The following FOXP2 variants were observed in gnomAD, a reference collection of about 807,000 sequenced individuals.
The protein encoded by FOXP2 is forkhead box protein P2.
FOXP2 carries 12 observed loss-of-function variants against 115.8 expected under a neutral mutation model. That is an observed-to-expected ratio of 0.10 (90% CI 0.07 to 0.17). FOXP2 has a LOEUF of 0.17. Ranked by LOEUF, FOXP2 falls within the 10% of genes least tolerant of loss-of-function variation. The pLI, the probability that FOXP2 is intolerant of heterozygous loss-of-function variation, is 1.00. For synonymous variants in FOXP2, 328 were observed against 297.7 expected (o/e 1.10, Z -1.05); for missense variants, 629 against 843.5 (o/e 0.75, Z 3.15).
Position 114,190,327 on chromosome 7 carries a change from C to A in FOXP2, c.-102+27239C>A, listed in dbSNP as rs1041296147. On this transcript the variant is annotated intron_variant, in intron 1 of 17. Transcript: ENST00000634411. ...TTCACCGTGGAGGGTGGGCACCATC[C>A]GATTAACTGAGGGCCTGAATAGAAC... Among the ~76,000 whole-genome samples, 3 of 152,070 alleles carry A rather than the reference C, an allele frequency of 2.0e-5. No individual in the cohort carries two copies. In the South Asian group the frequency reaches 6.2e-4, roughly 32 times the overall value.
chr7:114,248,206 GAGAGAGAC>G (rs1222724437), intron 1 of FOXP2, among the ~76,000 whole-genome samples: 1 of 150,884 alleles, frequency 6.6e-6, no homozygotes. Context: ...GAGAGAGAGA[GAGAGAGAC>G]AGAGAGACAG....
At chr7:114,141,585 C>T (rs148533222) in intron 1 of FOXP2, among the ~76,000 whole-genome samples, 8 of 152,300 alleles carry the variant, frequency 5.3e-5, no homozygotes, top group African/African-American at 7.2e-5. Context: ...TCCCTTCCAC[C>T]CTCAGGGTGC....
At chr7:114,413,933 C>T (rs554825306), upstream of FOXP2, among the ~76,000 whole-genome samples, 95 of 152,166 alleles carry the variant, frequency 6.2e-4, no homozygotes, top group Middle Eastern at 3.4e-3. Context: ...TGTCCACTCA[C>T]GATGGTGTTC....
rs747470162 is a variant in FOXP2, at chr7:114,199,533, T to C, written c.-102+36445T>C. Among the ~76,000 whole-genome samples the C allele has an allele frequency of 4.6e-5, 7 of 152,184 alleles. No homozygotes were observed. The South Asian group carries it at 1.2e-3, about 27-fold the overall frequency. On this transcript the variant is annotated intron_variant, in intron 1 of 17. Coordinates refer to the FOXP2 transcript ENST00000634411. ...AGGGAGCAGAGCTAAGAGAAGTGCA[T>C]GTAGAGCACACTGGTTCATAGACAC...
intron 2 of FOXP2, among the ~76,000 whole-genome samples, chr7:114,381,605 G>A (rs539653405): frequency 2.8e-4 from 43 of 152,280 alleles, no homozygotes; most frequent in African/African-American, 8.4e-4. Flanking sequence ...GTCCAGGACT[G>A]TAAACCACTC....
At chr7:114,246,119 A>G (rs1374725501) in intron 1 of FOXP2, among the ~76,000 whole-genome samples, 1 of 152,174 alleles carries the variant, frequency 6.6e-6, no homozygotes, top group African/African-American at 2.4e-5. Context: ...GATATACAGT[A>G]TCTTTGTATG....
intron 1 of FOXP2, among the ~76,000 whole-genome samples, chr7:114,118,459 C>CT (rs77145524): frequency 0.09 from 12,861 of 142,434 alleles, 698 homozygotes; most frequent in Admixed American, 0.14. Context: ...GGATACCCCC[C>CT]TTTTTTTTTT....
In FOXP2 at chr7:114,691,772, T is replaced by C. The variant is rs1322378915; in HGVS notation, c.*1846T>C. 6.6e-6 allele frequency: 3 copies of C among 453,336 alleles called. No homozygotes were observed. The highest frequency in any genetic ancestry group is 1.3e-5 in the Non-Finnish European group (3 of 226,348). The allele number at this position is 453,336 out of a possible 1,614,324, so 28.1% of individuals were successfully genotyped here. ...TTCCCGTTCCATGTGATGGAACCGG[T>C]TCTTGCAAACTAAGCTCATCATTGA... On this transcript the variant is annotated 3_prime_UTR_variant, in exon 17 of 17. Coordinates refer to ENST00000350908, the MANE Select transcript of FOXP2 (RefSeq NM_014491.4).
intron 2 of FOXP2, among the ~76,000 whole-genome samples, chr7:114,487,708 C>A (rs966904333): frequency 1.3e-5 from 2 of 152,170 alleles, no homozygotes; most frequent in African/African-American, 4.8e-5. Context: ...GCAAAAGCCA[C>A]CAGTTTCCTT....
chr7:114,330,252 C>T (rs1177320311), intron 2 of FOXP2, among the ~76,000 whole-genome samples: 6 of 151,902 alleles, frequency 3.9e-5, no homozygotes, highest in East Asian at 1.9e-4. Context: ...TGCCTAGCAA[C>T]TTGCATTCTA....
chr7:114,625,772 A>G (rs1276891254), intron 3 of FOXP2, among the ~76,000 whole-genome samples: 2 of 151,830 alleles, frequency 1.3e-5, no homozygotes, highest in African/African-American at 4.8e-5. Context: ...TGTTTATTAA[A>G]TAACTTAGAT....
At chr7:114,159,779 A>G (rs1792780945), upstream of FOXP2, among the ~76,000 whole-genome samples, 1 of 152,222 alleles carries the variant, frequency 6.6e-6, no homozygotes, top group South Asian at 2.1e-4. Flanking sequence ...CACCAAAAAA[A>G]TCAACTTGCA....
intron 2 of FOXP2, among the ~76,000 whole-genome samples, chr7:114,482,806 T>C (rs1433276161): frequency 2.0e-5 from 3 of 151,664 alleles, no homozygotes; most frequent in Non-Finnish European, 4.4e-5. Flanking sequence ...GTCTAATCAA[T>C]ATGTACTAAT....
At chr7:114,101,026 T>G (rs1471227325) in intron 1 of FOXP2, among the ~76,000 whole-genome samples, 1 of 152,048 alleles carries the variant, frequency 6.6e-6, no homozygotes, top group African/African-American at 2.4e-5. Flanking sequence ...GACTCCTGAG[T>G]CAGAGACAAG....
chr7:114,122,336 A>G (rs975412098), intron 1 of FOXP2, among the ~76,000 whole-genome samples: 2 of 151,430 alleles, frequency 1.3e-5, no homozygotes, highest in African/African-American at 4.8e-5. Flanking sequence ...TAAAAGAAAA[A>G]TTTGAATATA....
chr7:114,319,464 G>GT (rs1330715581), intron 2 of FOXP2, among the ~76,000 whole-genome samples: 35 of 152,322 alleles, frequency 2.3e-4, no homozygotes, highest in African/African-American at 8.4e-4. Context: ...TGGACTTACA[G>GT]TTCCACATGG....
At chr7:114,510,682 C>T (rs994093740) in intron 2 of FOXP2, among the ~76,000 whole-genome samples, 17 of 151,990 alleles carry the variant, frequency 1.1e-4, no homozygotes, top group African/African-American at 4.1e-4. Context: ...GTTAGAATGG[C>T]GATCATTAAA....
intron 2 of FOXP2, among the ~76,000 whole-genome samples, chr7:114,328,237 T>TCTTTTC (rs201703789): frequency 7.1e-6 from 1 of 140,820 alleles, no homozygotes; most frequent in African/African-American, 2.8e-5. Flanking sequence ...TCTTTTCTTT[T>TCTTTTC]TTTTTTTTTT....
intron 2 of FOXP2, among the ~76,000 whole-genome samples, chr7:114,343,914 T>A (rs1791273062): frequency 6.6e-6 from 1 of 151,692 alleles, no homozygotes; most frequent in East Asian, 1.9e-4. Flanking sequence ...ATGATGTTTA[T>A]TGTCTTCCTC....
Sources: gnomAD v4.1 joint callset for allele counts (sites outside exome capture counted in the v4.1 genomes callset) on GRCh38, gnomAD v4.1.1 for gene constraint, MANE v1.5 for transcripts, NCBI Gene and HGNC (gene_info 2026-07-23, HGNC 2026-07-21) for gene names.